MACROD2: variants seen among roughly 807,000 people sequenced by gnomAD.
MACROD2 encodes mono-ADP ribosylhydrolase 2.
A neutral mutation model predicts 70.4 loss-of-function variants in MACROD2; 36 were observed. The observed-to-expected ratio is 0.51, with a 90% confidence interval of 0.39 to 0.68. The LOEUF is 0.68. Ranked by LOEUF, MACROD2 falls within the 30% of genes least tolerant of loss-of-function variation. MACROD2 has a pLI of 0.00. For missense variants in MACROD2, 496 were observed against 538.4 expected, an observed-to-expected ratio of 0.92 and a Z score of 0.78; for synonymous variants, 172 against 178.8, an observed-to-expected ratio of 0.96 and a Z score of 0.30.
chr20:14,261,454 G>T (rs367772794), intron 3 of MACROD2, among the ~76,000 whole-genome samples: 2 of 151,834 alleles, frequency 1.3e-5, no homozygotes, highest in African/African-American at 4.8e-5. Flanking sequence ...CATCTCTTTT[G>T]TTTTAACAGT....
chr20:15,558,458 A>G (rs1247458998), intron 8 of MACROD2, among the ~76,000 whole-genome samples: 2 of 152,022 alleles, frequency 1.3e-5, no homozygotes, highest in African/African-American at 4.8e-5. Context: ...TTTTGCACCA[A>G]CCTAATGCTT....
intron 5 of MACROD2, among the ~76,000 whole-genome samples, chr20:14,717,295 T>C (rs995807032): frequency 2.6e-5 from 4 of 152,230 alleles, no homozygotes; most frequent in Non-Finnish European, 4.4e-5. Flanking sequence ...ATCAGCAGGT[T>C]ATACAGGATG....
At chr20:15,885,230 T>C (rs1031357020) in intron 9 of MACROD2, among the ~76,000 whole-genome samples, 1 of 152,058 alleles carries the variant, frequency 6.6e-6, no homozygotes, top group African/African-American at 2.4e-5. Context: ...GGGAGCTAAA[T>C]GGGAGTGGTG....
At chr20:15,291,720 GA>G (rs1312996740) in intron 6 of MACROD2, among the ~76,000 whole-genome samples, 1 of 151,996 alleles carries the variant, frequency 6.6e-6, no homozygotes, top group Admixed American at 6.5e-5. Context: ...CTAAAAAAGG[GA>G]AAAAATTGTG....
chr20:15,217,973 GAT>G (rs2076825588), intron 5 of MACROD2, among the ~76,000 whole-genome samples: 2 of 152,106 alleles, frequency 1.3e-5, no homozygotes, highest in African/African-American at 4.8e-5. Context: ...AAGGCTCAGT[GAT>G]ATATTCTCTT....
intron 6 of MACROD2, among the ~76,000 whole-genome samples, chr20:15,234,009 ATTCTTTTTTTTTTTTTTTT>A (rs2076987870): frequency 3.0e-4 from 12 of 39,966 alleles, no homozygotes; most frequent in Admixed American, 1.2e-3. Context: ...ATATATATAT[ATTCTTTTTTTTTTTTTTTT>A]TTTTTTTTTT....
chr20:15,665,268 C>G (rs78027360), intron 8 of MACROD2, among the ~76,000 whole-genome samples: 1 of 152,056 alleles, frequency 6.6e-6, no homozygotes, highest in African/African-American at 2.4e-5. Context: ...TTATTGTGCC[C>G]CCTACTTTCA....
chr20:15,747,060 C>A (rs554768130), intron 8 of MACROD2, among the ~76,000 whole-genome samples: 1 of 152,088 alleles, frequency 6.6e-6, no homozygotes, highest in African/African-American at 2.4e-5. Context: ...GTTTTATGGA[C>A]CATAAACAGG....
intron 3 of MACROD2, among the ~76,000 whole-genome samples, chr20:14,210,230 T>G (rs1291772620): frequency 1.3e-5 from 2 of 152,170 alleles, no homozygotes; most frequent in Non-Finnish European, 2.9e-5. Flanking sequence ...CCAGGAAGGA[T>G]AAGTCAAACT....
intron 12 of MACROD2, among the ~76,000 whole-genome samples, chr20:15,942,914 A>C (rs1346255637): frequency 2.0e-5 from 3 of 152,222 alleles, no homozygotes. Flanking sequence ...TCATATGCTC[A>C]TTAATATTAA....
At chr20:15,419,689 T>A (rs1409267869) in intron 6 of MACROD2, among the ~76,000 whole-genome samples, 1 of 152,208 alleles carries the variant, frequency 6.6e-6, no homozygotes, top group Non-Finnish European at 1.5e-5. Context: ...GATTGCCTCT[T>A]ATGTCAATTT....
At chr20:14,167,635 C>G (rs1018879052) in intron 3 of MACROD2, among the ~76,000 whole-genome samples, 7 of 152,116 alleles carry the variant, frequency 4.6e-5, no homozygotes, top group African/African-American at 1.4e-4. Context: ...GGTGATCCAC[C>G]CACCTCGGCC....
At chr20:15,114,821 T>C (rs2123231067) in intron 5 of MACROD2, among the ~76,000 whole-genome samples, 1 of 152,292 alleles carries the variant, frequency 6.6e-6, no homozygotes. Flanking sequence ...TTCTGTCTGA[T>C]GAGACCATCA....
chr20:15,477,468 TA>T (rs1340758956), intron 7 of MACROD2, among the ~76,000 whole-genome samples: 1 of 152,154 alleles, frequency 6.6e-6, no homozygotes, highest in African/African-American at 2.4e-5. Context: ...CCTGTTATAT[TA>T]TTTTTAAAAT....
intron 15 of MACROD2, among the ~76,000 whole-genome samples, chr20:15,990,725 C>G (rs16996904): frequency 6.6e-6 from 1 of 152,206 alleles, no homozygotes; most frequent in African/African-American, 2.4e-5. Context: ...TTGAACCAAG[C>G]ATGGTCTGAC....
At chr20:14,276,009 A>G (rs1304453136) in intron 3 of MACROD2, among the ~76,000 whole-genome samples, 1 of 151,764 alleles carries the variant, frequency 6.6e-6, no homozygotes, top group African/African-American at 2.4e-5. Context: ...AGAAATAGGA[A>G]CACTTTTACA....
chr20:14,881,882 G>A (rs2073614767), intron 5 of MACROD2, among the ~76,000 whole-genome samples: 1 of 152,116 alleles, frequency 6.6e-6, no homozygotes, highest in Admixed American at 6.5e-5. Flanking sequence ...TGCCTGGCCT[G>A]TCTCCCCCTA....
chr20:14,896,159 G>A (rs2073826362), intron 5 of MACROD2, among the ~76,000 whole-genome samples: 1 of 152,252 alleles, frequency 6.6e-6, no homozygotes, highest in Non-Finnish European at 1.5e-5. Context: ...GCTGGGCGTG[G>A]TGGTGGGCGC....
intron 8 of MACROD2, among the ~76,000 whole-genome samples, chr20:15,651,569 A>T (rs553210432): frequency 2.6e-5 from 4 of 152,244 alleles, no homozygotes; most frequent in African/African-American, 9.6e-5. Context: ...CCTTACCTGT[A>T]TCATATTAAA....
Sources: gnomAD v4.1 joint callset for allele counts (sites outside exome capture counted in the v4.1 genomes callset) on GRCh38, gnomAD v4.1.1 for gene constraint, MANE v1.5 for transcripts, NCBI Gene and HGNC (gene_info 2026-07-23, HGNC 2026-07-21) for gene names.